PEAK1: variants seen among roughly 807,000 people sequenced by gnomAD.
PEAK1 encodes pseudopodium enriched atypical kinase 1.
PEAK1 carries 54 observed loss-of-function variants against 124.7 expected under a neutral mutation model. The ratio of observed to expected loss-of-function variants is 0.43; its 90% CI spans 0.35 to 0.54. The LOEUF (loss-of-function observed/expected upper bound fraction) is 0.54, where lower values mean the gene tolerates loss of function less well. Among genes scored for constraint, PEAK1 ranks in the 20% least tolerant of loss-of-function variants. The pLI is 0.01. For missense variants in PEAK1, 2,046 were observed against 2,134.5 expected, an observed-to-expected ratio of 0.96 and a Z score of 0.82; for synonymous variants, 719 against 760.0, an observed-to-expected ratio of 0.95 and a Z score of 0.89.
chr15:77,384,947 C>T (rs982612602), intron 1 of PEAK1, among the ~76,000 whole-genome samples: 1 of 152,160 alleles, frequency 6.6e-6, no homozygotes, highest in Non-Finnish European at 1.5e-5. Context: ...GATAAAATCC[C>T]CTCACCACTG....
intron 5 of PEAK1, among the ~76,000 whole-genome samples, chr15:77,257,869 T>G (rs1331314569): frequency 6.6e-6 from 1 of 152,208 alleles, no homozygotes; most frequent in East Asian, 1.9e-4. Flanking sequence ...AGGTCTAACG[T>G]TTAAGTCTTT....
chr15:77,248,635 TACTA>T (rs1173617909), intron 6 of PEAK1, among the ~76,000 whole-genome samples: 1 of 152,166 alleles, frequency 6.6e-6, no homozygotes, highest in Non-Finnish European at 1.5e-5. Context: ...ACTCACCAGA[TACTA>T]AATATGCTGG....
chr15:77,232,363 T>A (rs2059944273), intron 6 of PEAK1, among the ~76,000 whole-genome samples: 1 of 151,980 alleles, frequency 6.6e-6, no homozygotes, highest in South Asian at 2.1e-4. Context: ...TCACTTAAAA[T>A]TTATTATCAC....
Position 77,386,972 on chromosome 15 carries a change from TA to T in PEAK1, c.-665-21748del, listed in dbSNP as rs145451079. ...TAATACAATTATTGTGTATCCATAGTAAAAAAAAAATCTATTTAAACAAGAC... is the reference window on the plus strand; with the variant it reads ...TAATACAATTATTGTGTATCCATAGTAAAAAAAAATCTATTTAAACAAGAC... On this transcript the variant is annotated intron_variant, in intron 1 of 9. Transcript: ENST00000682557. Among the ~76,000 whole-genome samples, 981 of 150,240 alleles carry T rather than the reference TA, an allele frequency of 6.5e-3. 13 individuals carry two copies. The highest frequency in any genetic ancestry group is 0.022 in the African/African-American group (916 of 40,978).
chr15:77,220,082 T>A (rs2059317026), intron 6 of PEAK1, among the ~76,000 whole-genome samples: 1 of 152,104 alleles, frequency 6.6e-6, no homozygotes, highest in South Asian at 2.1e-4. Context: ...ATACTTTGTT[T>A]TTCAAAGTGG....
At chr15:77,392,681 C>G (rs531851714) in intron 1 of PEAK1, among the ~76,000 whole-genome samples, 17 of 152,268 alleles carry the variant, frequency 1.1e-4, no homozygotes, top group African/African-American at 3.8e-4. Context: ...TTACTGCTCT[C>G]ATTCATCAAA....
intron 6 of PEAK1, among the ~76,000 whole-genome samples, chr15:77,185,719 T>C (rs1272795500): frequency 1.3e-5 from 2 of 152,124 alleles, no homozygotes; most frequent in Admixed American, 6.5e-5. Context: ...GCTAGGAGGA[T>C]GGGGGTCCAG....
Position 77,179,088 on chromosome 15 carries a change from G to T in PEAK1, c.2839C>A (p.Arg947=), listed in dbSNP as rs538475609. The change falls in exon 7 of 10, where the codon CGA becomes AGA. Residue 947 remains arginine (R), a synonymous_variant. Coordinates refer to ENST00000682557, the MANE Select transcript of PEAK1 (RefSeq NM_001385026.1). ...TDEEDDKEKE[R]EKGKLVGLDG... The stretch of plus-strand genomic sequence containing the variant: ...AGGCCCACCAGTTTCCCTTTCTCTC[G>T]CTCTTTCTCTTTGTCATCCTCCTCA... 13 of 1,614,104 alleles carry T rather than the reference G, an allele frequency of 8.1e-6. No homozygotes were observed. The South Asian group carries it at 1.3e-4, about 16-fold the overall frequency.
chr15:77,127,687 A>G (rs900428808), intron 9 of PEAK1, among the ~76,000 whole-genome samples: 1 of 152,222 alleles, frequency 6.6e-6, no homozygotes, highest in African/African-American at 2.4e-5. Flanking sequence ...ACTGCTTATA[A>G]TAAAATGTGA....
intron 8 of PEAK1, among the ~76,000 whole-genome samples, chr15:77,134,721 A>C (rs1567012103): frequency 6.6e-6 from 1 of 152,216 alleles, no homozygotes; most frequent in Non-Finnish European, 1.5e-5. Flanking sequence ...TAGTTCTGTT[A>C]TTAAAATGAG....
intron 2 of PEAK1, chr15:77,348,092 T>C: frequency 1.0e-6 from 1 of 983,740 alleles, no homozygotes; most frequent in Non-Finnish European, 1.2e-6. Context: ...ATTATTCATC[T>C]AGAGAAAAAA....
intron 6 of PEAK1, among the ~76,000 whole-genome samples, chr15:77,240,102 T>G (rs1476343133): frequency 6.6e-6 from 1 of 152,200 alleles, no homozygotes; most frequent in East Asian, 1.9e-4. Context: ...CAGGAATGCT[T>G]AGATACTAGC....
exon 7 of PEAK1, chr15:77,102,998 T>C (rs2050709579): frequency 6.6e-6 from 1 of 152,208 alleles, no homozygotes; most frequent in South Asian, 2.1e-4. Context: ...TAGTTTCTCA[T>C]ATTTTGTTGT....
In PEAK1 at chr15:77,114,391, C is replaced by G. The variant is rs1327628771; in HGVS notation, c.5006G>C (p.Gly1669Ala). The G allele has an allele frequency of 1.9e-6, 3 of 1,614,000 alleles. No homozygotes were observed. The highest frequency in any genetic ancestry group is 1.7e-6 in the Non-Finnish European group (2 of 1,180,028). Reference sequence around the variant, plus strand: ...AGTCTGGAAGAGATCTTCGCGGGGGCCCCAGAGCAGACACTGGAGGATGCC... The same window carrying G: ...AGTCTGGAAGAGATCTTCGCGGGGGGCCCAGAGCAGACACTGGAGGATGCC... ...AKGILQCLLW[G>A]PREDLFQTFT... Residue 1669 changes from glycine to alanine, a missense_variant, in exon 10 of 10, where the codon GGC (glycine) becomes GCC (alanine). By Grantham distance (60) the Gly-to-Ala change is moderately conservative. Transcript: ENST00000682557.
At chr15:77,200,723 A>T (rs1291322399) in intron 6 of PEAK1, among the ~76,000 whole-genome samples, 1 of 152,166 alleles carries the variant, frequency 6.6e-6, no homozygotes, top group Non-Finnish European at 1.5e-5. Flanking sequence ...AGAACTACTG[A>T]CAACAAAATT....
intron 6 of PEAK1, among the ~76,000 whole-genome samples, chr15:77,196,196 G>A (rs966135181): frequency 2.6e-5 from 4 of 152,190 alleles, no homozygotes; most frequent in Non-Finnish European, 5.9e-5. Flanking sequence ...TCTGTCAGCC[G>A]GTGAAAGCCT....
chr15:77,249,119 G>C (rs1036279295), intron 6 of PEAK1, among the ~76,000 whole-genome samples: 1 of 152,028 alleles, frequency 6.6e-6, no homozygotes, highest in Non-Finnish European at 1.5e-5. Context: ...ATGGTGCCTG[G>C]CCTATTACTA....
At chr15:77,371,436 T>C (rs1335142417) in intron 1 of PEAK1, 2 of 982,258 alleles carry the variant, frequency 2.0e-6, no homozygotes, top group Non-Finnish European at 2.4e-6. Context: ...TTCAAAACCA[T>C]CTTTGAAGCA....
At chr15:77,396,123 G>A (rs929563494) in intron 1 of PEAK1, among the ~76,000 whole-genome samples, 2 of 151,984 alleles carry the variant, frequency 1.3e-5, no homozygotes, top group South Asian at 2.1e-4. Context: ...TTGTTTATGC[G>A]ATCAGTGTTA....
Sources: allele counts gnomAD v4.1 joint callset (sites outside exome capture counted in the v4.1 genomes callset), GRCh38; gene constraint gnomAD v4.1.1; transcripts MANE v1.5; gene names NCBI Gene and HGNC (gene_info 2026-07-23, HGNC 2026-07-21).